Variants in SND1 observed in about 807,000 individuals in gnomAD.
SND1 encodes the protein staphylococcal nuclease and tudor domain containing 1.
A neutral mutation model predicts 121.7 loss-of-function variants in SND1; 38 were observed. That is an observed-to-expected ratio of 0.31 (90% confidence interval 0.24 to 0.41). The LOEUF is 0.41. Among genes scored for constraint, SND1 ranks in the 10% least tolerant of loss-of-function variants. The probability of loss-of-function intolerance (pLI) is 1.00; values close to 1 mark genes in which losing one functional copy is unlikely to be tolerated. For synonymous variants in SND1, 401 were observed against 447.4 expected (o/e 0.90, Z 1.31); for missense variants, 868 against 1,184.6 (o/e 0.73, Z 3.92).
intron 10 of SND1, among the ~76,000 whole-genome samples, chr7:127,788,449 G>C (rs6467149): frequency 0.95 from 143,938 of 152,298 alleles, 68,459 homozygotes; most frequent in Non-Finnish European, 1. Flanking sequence ...GTCCTTTTTT[G>C]TACCTTTTAA....
intron 16 of SND1, among the ~76,000 whole-genome samples, chr7:128,011,122 A>G (rs1252993321): frequency 2.0e-5 from 3 of 150,944 alleles, no homozygotes; most frequent in African/African-American, 7.3e-5. Context: ...CCAAACACAC[A>G]CACCACAGGC....
chr7:127,769,901 G>GT (rs756714208), intron 10 of SND1, among the ~76,000 whole-genome samples: 7 of 152,204 alleles, frequency 4.6e-5, no homozygotes, highest in Admixed American at 1.3e-4. Context: ...GAATTAAATA[G>GT]TTTTTTACCC....
chr7:127,652,397 C>G lies in SND1; in HGVS notation c.24C>G (p.Gly8=). 1.3e-6 allele frequency: 2 copies of G among 1,598,364 alleles called. No individual in the cohort carries two copies. The highest frequency in any genetic ancestry group is 1.7e-5 in the Admixed American group (1 of 57,346). Residue 8 remains glycine (G), a synonymous_variant, in exon 1 of 24, where the codon GGC becomes GGG. Coordinates refer to ENST00000354725, the MANE Select transcript of SND1 (RefSeq NM_014390.4). MASSAQS[G]GSSGGPAVPT... ...ACATGGCGTCCTCCGCGCAGAGCGG[C>G]GGCTCCTCCGGGGGACCCGCGGTCC...
chr7:128,089,997 G>A (rs1348707773), intron 22 of SND1, among the ~76,000 whole-genome samples: 1 of 152,138 alleles, frequency 6.6e-6, no homozygotes, highest in Non-Finnish European at 1.5e-5. Flanking sequence ...GAGGGTCAAG[G>A]CCTGTCCCTC....
chr7:127,752,976 T>C (rs562069141), intron 10 of SND1, among the ~76,000 whole-genome samples: 178 of 152,340 alleles, frequency 1.2e-3, no homozygotes, highest in African/African-American at 4.2e-3. Context: ...GAATATCTGC[T>C]TGAAGACAGC....
intron 12 of SND1, chr7:127,857,912 T>C: frequency 7.2e-7 from 1 of 1,393,356 alleles, no homozygotes. Flanking sequence ...GGGTCCAGCT[T>C]CCGGCAGTAA....
chr7:127,801,258 T>C (rs1798122772), intron 10 of SND1, among the ~76,000 whole-genome samples: 3 of 152,248 alleles, frequency 2.0e-5, no homozygotes, highest in Non-Finnish European at 1.5e-5. Context: ...TTCTCCACAT[T>C]CTTTAAAATA....
At chr7:127,882,790 A>T (rs566908056) in intron 12 of SND1, among the ~76,000 whole-genome samples, 54 of 152,290 alleles carry the variant, frequency 3.5e-4, no homozygotes, top group African/African-American at 1.1e-3. Context: ...AGAGAACATT[A>T]AATTGTGTGC....
intron 10 of SND1, among the ~76,000 whole-genome samples, chr7:127,773,889 T>C (rs952549274): frequency 2.6e-5 from 4 of 152,252 alleles, no homozygotes; most frequent in Non-Finnish European, 4.4e-5. Context: ...GAAAAATTCC[T>C]ATTGCCTACT....
intron 14 of SND1, among the ~76,000 whole-genome samples, chr7:127,908,288 C>G (rs1451114152): frequency 6.7e-6 from 1 of 149,662 alleles, no homozygotes; most frequent in East Asian, 2.0e-4. Context: ...TAGTGAGACC[C>G]CATCTCTACC....
chr7:127,918,789 A>G (rs1287899786), intron 14 of SND1, among the ~76,000 whole-genome samples: 1 of 152,152 alleles, frequency 6.6e-6, no homozygotes, highest in African/African-American at 2.4e-5. Flanking sequence ...GTCTATAATT[A>G]TTTTCTCAGA....
intron 16 of SND1, among the ~76,000 whole-genome samples, chr7:128,031,792 C>CCCG (rs1792616648): frequency 2.1e-5 from 3 of 143,302 alleles, no homozygotes; most frequent in African/African-American, 7.5e-5. Flanking sequence ...CCGCCCGCCG[C>CCCG]TGCCCGGCCC....
intron 13 of SND1, among the ~76,000 whole-genome samples, chr7:127,904,007 T>C (rs1471561768): frequency 6.6e-6 from 1 of 152,194 alleles, no homozygotes; most frequent in Non-Finnish European, 1.5e-5. Flanking sequence ...GACCAAGTAA[T>C]TCACCAGTCA....
At chr7:128,032,290 C>CTCCTCTCT (rs932551685) in intron 16 of SND1, among the ~76,000 whole-genome samples, 3 of 151,170 alleles carry the variant, frequency 2.0e-5, no homozygotes, top group African/African-American at 7.3e-5. Context: ...TCCTTCCTTC[C>CTCCTCTCT]TCCTCTCTTC....
chr7:127,776,523 TAAAA>T (rs1274507339), intron 10 of SND1, among the ~76,000 whole-genome samples: 1 of 151,988 alleles, frequency 6.6e-6, no homozygotes, highest in East Asian at 1.9e-4. Flanking sequence ...AAGTAAATAA[TAAAA>T]AACCCATACA....
Position 127,929,273 on chromosome 7 carries a change from C to G in SND1, c.1613C>G (p.Ser538Cys), listed in dbSNP as rs1256938099. 5 of 1,613,934 alleles carry G rather than the reference C, an allele frequency of 3.1e-6. No individual in the cohort carries two copies. Among genetic ancestry groups the G allele is most frequent in the African/African-American group, 1.3e-5 (1 of 74,930 alleles). The change falls in exon 15 of 24, where the codon TCT (serine) becomes TGT (cysteine). Residue 538 changes from serine (S) to cysteine (C), a missense_variant. Physicochemically the swap from Ser to Cys is moderately radical, Grantham distance 112. Coordinates refer to ENST00000354725, the MANE Select transcript of SND1 (RefSeq NM_014390.4). ...GTGGTGGAATACGTCTTCAGTGGTT[C>G]TCGTCTCAAACTCTATTTGCCAAAG... The part of the protein sequence containing the change: ...EAVVEYVFSG[S>C]RLKLYLPKET...
chr7:127,755,291 C>T (rs897522147), intron 10 of SND1, among the ~76,000 whole-genome samples: 1 of 152,194 alleles, frequency 6.6e-6, no homozygotes, highest in Non-Finnish European at 1.5e-5. Flanking sequence ...ACTGCCCCTA[C>T]CTCTGTTCAA....
chr7:127,969,721 C>A (rs576904503), intron 15 of SND1, among the ~76,000 whole-genome samples: 1 of 152,220 alleles, frequency 6.6e-6, no homozygotes, highest in Non-Finnish European at 1.5e-5. Context: ...GAGCAAGACT[C>A]CGTCTCAAAA....
chr7:128,023,925 T>C (rs767302448), intron 16 of SND1, among the ~76,000 whole-genome samples: 1 of 152,116 alleles, frequency 6.6e-6, no homozygotes, highest in Non-Finnish European at 1.5e-5. Flanking sequence ...CTGAGGTAGA[T>C]AGTAATATTG....
Sources: gnomAD v4.1 joint callset for allele counts (sites outside exome capture counted in the v4.1 genomes callset) on GRCh38, gnomAD v4.1.1 for gene constraint, MANE v1.5 for transcripts, NCBI Gene and HGNC (gene_info 2026-07-23, HGNC 2026-07-21) for gene names.